NAV1: variants seen among roughly 807,000 people sequenced by gnomAD.
NAV1 encodes the protein pore membrane and/or filament interacting like protein 3.
NAV1 carries 18 observed loss-of-function variants against 175.2 expected under a neutral mutation model. That is an observed-to-expected ratio of 0.10 (90% CI 0.07 to 0.15). NAV1 has a LOEUF of 0.15. NAV1 is among the 10% of genes least tolerant of loss of function. NAV1 has a pLI of 1.00. For synonymous variants in NAV1, 897 were observed against 978.7 expected (o/e 0.92, Z 1.56); for missense variants, 1,731 against 2,436.6 (o/e 0.71, Z 6.10).
intron 1 of NAV1, among the ~76,000 whole-genome samples, chr1:201,571,812 A>G (rs1666552369): frequency 6.6e-6 from 1 of 152,264 alleles, no homozygotes; most frequent in Non-Finnish European, 1.5e-5. Flanking sequence ...ATCAATGTGT[A>G]CAAAGATCTA....
intron 1 of NAV1, among the ~76,000 whole-genome samples, chr1:201,704,432 C>T (rs1671577405): frequency 6.6e-6 from 1 of 152,214 alleles, no homozygotes; most frequent in Non-Finnish European, 1.5e-5. Flanking sequence ...GGGGGCTGGA[C>T]TGGGGCTGGG....
At chr1:201,802,143 A>AAAAAAAAAAAAAAAAAAAAG (rs1677929115) in intron 15 of NAV1, among the ~76,000 whole-genome samples, 1 of 132,656 alleles carries the variant, frequency 7.5e-6, no homozygotes, top group Non-Finnish European at 1.7e-5. Context: ...TCTCAAAAAA[A>AAAAAAAAAAAAAAAAAAAAG]AAAAAAAAAA....
At chr1:201,630,375 G>C (rs1418001109) in intron 2 of NAV1, among the ~76,000 whole-genome samples, 1 of 152,200 alleles carries the variant, frequency 6.6e-6, no homozygotes, top group African/African-American at 2.4e-5. Context: ...TTGTCCAGAG[G>C]GCTTGTCTCC....
chr1:201,572,077 G>A (rs1304489012), intron 1 of NAV1, among the ~76,000 whole-genome samples: 2 of 152,214 alleles, frequency 1.3e-5, no homozygotes, highest in African/African-American at 2.4e-5. Flanking sequence ...CTATATGAGA[G>A]AGTGTTTTAC....
At chr1:201,697,127 C>G (rs552027557) in intron 1 of NAV1, among the ~76,000 whole-genome samples, 2 of 152,070 alleles carry the variant, frequency 1.3e-5, no homozygotes, top group Non-Finnish European at 2.9e-5. Context: ...CAATTGATAC[C>G]CAAGCCCTGG....
At chr1:201,663,504 G>A (rs866639739) in intron 1 of NAV1, among the ~76,000 whole-genome samples, 1 of 152,126 alleles carries the variant, frequency 6.6e-6, no homozygotes, top group Admixed American at 6.5e-5. Flanking sequence ...TCTGTCCCGG[G>A]TTCAATGAAA....
intron 2 of NAV1, among the ~76,000 whole-genome samples, chr1:201,596,713 A>C (rs931542248): frequency 2.6e-5 from 4 of 152,212 alleles, no homozygotes; most frequent in African/African-American, 9.6e-5. Flanking sequence ...TGTGGGAGAT[A>C]GAGTGGTGAA....
intron 2 of NAV1, among the ~76,000 whole-genome samples, chr1:201,596,813 T>TTTTGTTTG (rs35430031): frequency 1.1e-3 from 162 of 151,562 alleles, no homozygotes; most frequent in Non-Finnish European, 1.8e-3. Context: ...TTTGTTTGTT[T>TTTTGTTTG]TTTGTTTGTT....
At chr1:201,624,749 A>T (rs548876557) in intron 1 of NAV1, among the ~76,000 whole-genome samples, 2 of 152,180 alleles carry the variant, frequency 1.3e-5, no homozygotes, top group Non-Finnish European at 2.9e-5. Flanking sequence ...GAAATGCCCA[A>T]ATGCAAATTA....
At chr1:201,789,912 G>A in intron 11 of NAV1, 120 bp downstream of exon 15, 1 of 942,530 alleles carries the variant, frequency 1.1e-6, no homozygotes, top group Non-Finnish European at 1.7e-6. Context: ...GCTCTTCACT[G>A]TACCCATTGG....
At chr1:201,706,580 G>A (rs975223419) in intron 1 of NAV1, among the ~76,000 whole-genome samples, 2 of 152,148 alleles carry the variant, frequency 1.3e-5, no homozygotes, top group African/African-American at 4.8e-5. Context: ...TGAAACCGCC[G>A]TGTACAAAAT....
chr1:201,818,780 A>G (rs911282117), intron 29 of NAV1, among the ~76,000 whole-genome samples: 2 of 152,214 alleles, frequency 1.3e-5, no homozygotes, highest in Non-Finnish European at 2.9e-5. Flanking sequence ...AACATGCGCA[A>G]ATCCTGTGAC....
intron 1 of NAV1, among the ~76,000 whole-genome samples, chr1:201,711,412 G>A (rs184440664): frequency 8.2e-4 from 124 of 151,136 alleles, no homozygotes; most frequent in Admixed American, 2.9e-3. Flanking sequence ...TGACAAGACA[G>A]TCAAGCAGCT....
intron 3 of NAV1, among the ~76,000 whole-genome samples, chr1:201,728,457 C>T (rs566322075): frequency 1.7e-4 from 26 of 151,912 alleles, no homozygotes; most frequent in African/African-American, 6.0e-4. Context: ...AGCCTGGTGT[C>T]GTGGCAGGCT....
chr1:201,642,549 C>CTTTCTT (rs1668816038), intron 2 of NAV1, among the ~76,000 whole-genome samples: 1 of 106,072 alleles, frequency 9.4e-6, no homozygotes, highest in African/African-American at 4.8e-5. Context: ...TTCTTTCTTT[C>CTTTCTT]TTTCTTTTTT....
intron 1 of NAV1, among the ~76,000 whole-genome samples, chr1:201,691,688 G>A (rs941583439): frequency 6.6e-6 from 1 of 152,204 alleles, no homozygotes; most frequent in Non-Finnish European, 1.5e-5. Context: ...CCCTGGCTTA[G>A]GACGCCGTGG....
exon 30 of NAV1, chr1:201,824,001 G>GA (rs968987758): frequency 6.6e-6 from 1 of 151,898 alleles, no homozygotes; most frequent in Non-Finnish European, 1.5e-5. Flanking sequence ...CCTGACTGAA[G>GA]GGGACTCAGT....
At chr1:201,579,454 C>T (rs1156397775) in intron 1 of NAV1, among the ~76,000 whole-genome samples, 1 of 152,088 alleles carries the variant, frequency 6.6e-6, no homozygotes, top group Admixed American at 6.5e-5. Flanking sequence ...CTCCTGGGTT[C>T]AAGCAATTCT....
intron 14 of NAV1, 34 bp downstream of exon 18, chr1:201,793,909 T>TGGGGGGGGGGGGGGGGGCC: frequency 5.8e-6 from 3 of 516,454 alleles, no homozygotes; most frequent in East Asian, 5.7e-5. Flanking sequence ...GAGGGGTGGG[T>TGGGGGGGGGGGGGGGGGCC]GCGGCGAGGG....
Sources: allele counts gnomAD v4.1 joint callset (sites outside exome capture counted in the v4.1 genomes callset), GRCh38; gene constraint gnomAD v4.1.1; transcripts MANE v1.5; gene names NCBI Gene and HGNC (gene_info 2026-07-23, HGNC 2026-07-21).